The following RAB2A variants were observed in gnomAD, a reference collection of about 807,000 sequenced individuals.
RAB2A encodes ras-related protein Rab-2A.
Under a neutral mutation model 32.5 loss-of-function variants are expected in RAB2A, and 7 were observed. That is an observed-to-expected ratio of 0.22 (90% CI 0.12 to 0.40). The LOEUF (loss-of-function observed/expected upper bound fraction) is 0.40. RAB2A is among the 10% of genes least tolerant of loss of function. The pLI is 1.00. For missense variants in RAB2A, 108 were observed against 260.7 expected, an observed-to-expected ratio of 0.41 and a Z score of 4.03; for synonymous variants, 79 against 85.2, an observed-to-expected ratio of 0.93 and a Z score of 0.40.
chr8:60,540,080 G>A (rs1484235613), intron 1 of RAB2A, among the ~76,000 whole-genome samples: 2 of 151,198 alleles, frequency 1.3e-5, no homozygotes, highest in Non-Finnish European at 2.9e-5. Context: ...TATACAACTA[G>A]AATTATAATT....
chr8:60,587,533 C>CT (rs1202468446), intron 5 of RAB2A, among the ~76,000 whole-genome samples: 1 of 152,070 alleles, frequency 6.6e-6, no homozygotes, highest in Non-Finnish European at 1.5e-5. Flanking sequence ...GAATTTAAAA[C>CT]TTTTGTTCTT....
At position 60,618,389 on chromosome 8, in the gene RAB2A, T is replaced by C. The variant is rs1440653963; in HGVS notation, c.475-191T>C. 2.6e-5 allele frequency among the ~76,000 whole-genome samples: 4 copies of C among 152,310 alleles called. No individual in the cohort carries two copies. In the East Asian group the frequency reaches 5.8e-4, roughly 22 times the overall value. On this transcript the variant is annotated intron_variant, in intron 6 of 7. Coordinates refer to ENST00000262646, the MANE Select transcript of RAB2A (RefSeq NM_002865.3). ...TATGTCTATTGATGATCATGAGGGC[T>C]TGTTTATTAATATAATGTATTACAT...
At chr8:60,569,635 C>T (rs77065309) in intron 2 of RAB2A, among the ~76,000 whole-genome samples, 22,780 of 152,070 alleles carry the variant, frequency 0.15, 1,850 homozygotes, top group East Asian at 0.26. Context: ...ACTTCAGCCT[C>T]CCAAGTAGCT....
chr8:60,606,021 C>G (rs111716362), intron 6 of RAB2A, among the ~76,000 whole-genome samples: 1 of 152,002 alleles, frequency 6.6e-6, no homozygotes, highest in Non-Finnish European at 1.5e-5. Context: ...TGGTGGCTTG[C>G]GCCTGTAGTC....
chr8:60,556,742 C>G (rs1249681132), intron 1 of RAB2A, among the ~76,000 whole-genome samples: 1 of 151,098 alleles, frequency 6.6e-6, no homozygotes, highest in East Asian at 1.9e-4. Context: ...AACACTTAGT[C>G]AGAATGAGAT....
At chr8:60,552,814 C>G (rs1425418143) in intron 1 of RAB2A, 1 of 152,134 alleles carries the variant, frequency 6.6e-6, no homozygotes, top group East Asian at 1.9e-4. Flanking sequence ...TCTCTCTTAT[C>G]AGTCAACAAT....
chr8:60,584,858 G>A lies in RAB2A; in HGVS notation c.362+43G>A, dbSNP rs1803822812. The A allele has an allele frequency of 3.7e-6, 5 of 1,365,830 alleles. No individual in the cohort carries two copies. In the South Asian group the frequency reaches 5.0e-5, roughly 14 times the overall value. The allele number at this position is 1,365,830 out of a possible 1,614,324, so 84.6% of individuals were successfully genotyped here. A position where few individuals can be genotyped will look rare whatever the true frequency, so the allele number is the denominator to read the frequency against. On this transcript the variant is annotated intron_variant, in intron 5 of 7. Coordinates refer to ENST00000262646, the MANE Select transcript of RAB2A (RefSeq NM_002865.3). ...GAGCTTACATTGCATTAGTGATGAA[G>A]ACTGTACTGTTTATTTGACTACTTT... is the stretch of plus-strand genomic sequence containing the variant.
intron 6 of RAB2A, among the ~76,000 whole-genome samples, chr8:60,604,954 A>G (rs1370601116): frequency 6.6e-6 from 1 of 152,234 alleles, no homozygotes; most frequent in African/African-American, 2.4e-5. Flanking sequence ...GCTAATAGCC[A>G]TGACAATGGG....
intron 6 of RAB2A, among the ~76,000 whole-genome samples, chr8:60,614,326 C>G (rs553772418): frequency 5.9e-4 from 90 of 151,956 alleles, no homozygotes; most frequent in African/African-American, 2.1e-3. Context: ...TGATTTTATT[C>G]CTACCTAAAT....
At chr8:60,591,364 CTG>C (rs1311696774) in intron 5 of RAB2A, among the ~76,000 whole-genome samples, 1 of 144,418 alleles carries the variant, frequency 6.9e-6, no homozygotes, top group Non-Finnish European at 1.5e-5. Context: ...TAAGAGGAAA[CTG>C]GGAATTAAAC....
At chr8:60,577,223 T>A (rs978931922) in intron 3 of RAB2A, among the ~76,000 whole-genome samples, 10 of 151,814 alleles carry the variant, frequency 6.6e-5, no homozygotes, top group Non-Finnish European at 1.2e-4. Context: ...TTTTTTTTTT[T>A]AATTTTGTAG....
intron 1 of RAB2A, among the ~76,000 whole-genome samples, chr8:60,535,268 G>A (rs1188225686): frequency 6.6e-6 from 1 of 152,156 alleles, no homozygotes; most frequent in African/African-American, 2.4e-5. Context: ...GGAGGTAGTT[G>A]AATGAAGTCA....
Position 60,621,040 on chromosome 8 carries a change from C to T in RAB2A, c.*271C>T, listed in dbSNP as rs1451145402. ...AAATGTTGTCTTGTGCCCTTAACTA[C>T]GAACTGAATTGTATTAAACACTACA... On this transcript the variant is annotated 3_prime_UTR_variant, in exon 8 of 8. Transcript: ENST00000262646. 2.0e-5 allele frequency: 7 copies of T among 346,434 alleles called. No individual in the cohort carries two copies. Among genetic ancestry groups the T allele is most frequent in the South Asian group, 1.3e-4 (3 of 22,926 alleles). The allele number at this position is 346,434 out of a possible 1,614,324, so 21.5% of individuals were successfully genotyped here.
At chr8:60,531,541 C>T (rs1316556634) in intron 1 of RAB2A, among the ~76,000 whole-genome samples, 1 of 152,108 alleles carries the variant, frequency 6.6e-6, no homozygotes, top group Non-Finnish European at 1.5e-5. Flanking sequence ...ATAATGTTTC[C>T]TATCTGTTGA....
chr8:60,607,495 T>G (rs1450301484), intron 6 of RAB2A, among the ~76,000 whole-genome samples: 1 of 150,630 alleles, frequency 6.6e-6, no homozygotes, highest in African/African-American at 2.4e-5. Flanking sequence ...GAGGCTTGTC[T>G]CAAACTCTTC....
intron 1 of RAB2A, among the ~76,000 whole-genome samples, chr8:60,541,469 A>G (rs1414976337): frequency 6.6e-6 from 1 of 152,186 alleles, no homozygotes; most frequent in Non-Finnish European, 1.5e-5. Context: ...CAGTCAGATC[A>G]CCTGAAGTCA....
At chr8:60,554,746 A>G (rs1189148209) in intron 1 of RAB2A, among the ~76,000 whole-genome samples, 1 of 152,148 alleles carries the variant, frequency 6.6e-6, no homozygotes, top group Non-Finnish European at 1.5e-5. Context: ...CCAGCTACTC[A>G]GGAGGCTGAG....
chr8:60,544,772 A>T (rs1174834369), intron 1 of RAB2A, among the ~76,000 whole-genome samples: 1 of 152,064 alleles, frequency 6.6e-6, no homozygotes, highest in Non-Finnish European at 1.5e-5. Flanking sequence ...CAGGTTATGA[A>T]ATTATCCAGA....
intron 1 of RAB2A, among the ~76,000 whole-genome samples, chr8:60,547,099 T>C (rs58847436): frequency 0.063 from 9,452 of 150,988 alleles, 774 homozygotes; most frequent in African/African-American, 0.19. Flanking sequence ...GTGATGACTC[T>C]TAAGGAGCAT....
Sources: allele counts gnomAD v4.1 joint callset (sites outside exome capture counted in the v4.1 genomes callset), GRCh38; gene constraint gnomAD v4.1.1; transcripts MANE v1.5; gene names NCBI Gene and HGNC (gene_info 2026-07-23, HGNC 2026-07-21).